The following HENMT1 variants were observed in gnomAD, a reference collection of about 807,000 sequenced individuals.
HENMT1 encodes small RNA 2'-O-methyltransferase.
In HENMT1, 27 loss-of-function variants were observed where a neutral mutation model predicts 31.1. That is an observed-to-expected ratio of 0.87 (90% CI 0.64 to 1.20). The LOEUF (loss-of-function observed/expected upper bound fraction) is 1.20, where lower values mean the gene tolerates loss of function less well. Ranked by LOEUF, HENMT1 falls within the 50% of genes most tolerant of loss-of-function variation. The pLI is 0.00. For synonymous variants in HENMT1, 167 were observed against 172.2 expected, an observed-to-expected ratio of 0.97 and a Z score of 0.24; for missense variants, 438 against 469.6, an observed-to-expected ratio of 0.93 and a Z score of 0.62.
chr1:108,653,134 C>T (rs1658110262), intron 5 of HENMT1, among the ~76,000 whole-genome samples: 1 of 151,648 alleles, frequency 6.6e-6, no homozygotes. Flanking sequence ...CTGCCTCAGC[C>T]TCCCAAGTAG....
chr1:108,658,699 T>A (rs1281015033), intron 2 of HENMT1, among the ~76,000 whole-genome samples: 1 of 152,214 alleles, frequency 6.6e-6, no homozygotes, highest in Non-Finnish European at 1.5e-5. Flanking sequence ...TCTAAGTCAG[T>A]TTAGACAGAA....
In HENMT1 at chr1:108,651,068, A is replaced by G; in HGVS notation, c.540T>C (p.Asp180=). The change falls in exon 6 of 8, where the codon GAT becomes GAC. Residue 180 remains aspartate, a synonymous_variant. Transcript: ENST00000651461. ...LFPSVTLRDS[D]HKFEWTRMEF... is the part of the protein sequence containing the mutation. ...CCATTCTGGTCCACTCAAATTTATG[A>G]TCTGAATCTCTTAAGGTCACTGATG... 1 of 1,614,030 alleles carries G rather than the reference A, an allele frequency of 6.2e-7. No individual in the cohort carries two copies.
Position 108,651,089 on chromosome 1 carries a change from T to G in HENMT1, c.519A>C (p.Ser173=), listed in dbSNP as rs769132546. 3 of 1,614,050 alleles carry G rather than the reference T, an allele frequency of 1.9e-6. No individual in the cohort carries two copies. Among genetic ancestry groups the G allele is most frequent in the African/African-American group, 1.3e-5 (1 of 75,054 alleles). The part of the protein sequence containing the change: ...PNSEFNPLFP[S]VTLRDSDHKF... ...TATGATCTGAATCTCTTAAGGTCAC[T>G]GATGGAAACAGGGGATTGAATTCAG... Residue 173 remains serine (S), a synonymous_variant, in exon 6 of 8, where the codon TCA becomes TCC. Coordinates refer to ENST00000651461, the MANE Select transcript of HENMT1 (RefSeq NM_001102592.2).
chr1:108,654,902 C>G (rs746886847), intron 4 of HENMT1, 52 bp from the exon 5 acceptor site: 2 of 1,569,992 alleles, frequency 1.3e-6, no homozygotes, highest in Non-Finnish European at 1.7e-6. Context: ...TTTAAAAATT[C>G]TCACCAGCTA....
chr1:108,650,465 C>G (rs1658018607), intron 6 of HENMT1, 77 bp from the exon 7 acceptor site: 3 of 1,281,394 alleles, frequency 2.3e-6, no homozygotes, highest in Middle Eastern at 1.9e-4. Context: ...TTCTGGTCAG[C>G]AGTAAAAGAG....
chr1:108,649,123 C>A, intron 7 of HENMT1, 132 bp from the exon 8 acceptor site: 1 of 681,154 alleles, frequency 1.5e-6, no homozygotes, highest in Non-Finnish European at 2.4e-6. Context: ...TCCTACTAAT[C>A]GTAAATGCCT....
intron 1 of HENMT1, 94 bp from the exon 2 acceptor site, chr1:108,660,056 C>A: frequency 2.2e-6 from 1 of 460,868 alleles, no homozygotes; most frequent in Non-Finnish European, 3.7e-6. Context: ...TTTCTTACTC[C>A]TTACTACAGT....
chr1:108,654,653 T>C, intron 5 of HENMT1, 63 bp downstream of exon 5: 1 of 1,522,474 alleles, frequency 6.6e-7, no homozygotes. Flanking sequence ...GACACTAAGA[T>C]CACTGAGACT....
chr1:108,654,636 T>C (rs1323718467), intron 5 of HENMT1, 80 bp downstream of exon 5: 6 of 1,379,968 alleles, frequency 4.3e-6, no homozygotes, highest in Admixed American at 3.9e-5. Flanking sequence ...AGACCTATTA[T>C]ATTTAGGACA....
In HENMT1 at chr1:108,654,779, T is replaced by G. The variant is rs1241151901; in HGVS notation, c.335A>C (p.His112Pro). Reference sequence around the variant, plus strand: ...AGAGTCTCTCTCCACAACGGAGCCATGATACAATGTGATGGTCAAATTCAG... The same window carrying G: ...AGAGTCTCTCTCCACAACGGAGCCAGGATACAATGTGATGGTCAAATTCAG... Reference protein sequence around the residue: ...RDLNLTITLYHGSVVERDSRL... With the variant: ...RDLNLTITLYPGSVVERDSRL... Residue 112 changes from histidine (H) to proline (P), a missense_variant, in exon 5 of 8, where the codon CAT becomes CCT. Transcript: ENST00000651461. The G allele has an allele frequency of 1.9e-6, 3 of 1,613,994 alleles. No homozygotes were observed. The highest frequency in any genetic ancestry group is 8.5e-7 in the Non-Finnish European group (1 of 1,179,972).
chr1:108,659,152 T>C (rs919617749), intron 2 of HENMT1, among the ~76,000 whole-genome samples: 2 of 152,256 alleles, frequency 1.3e-5, no homozygotes, highest in African/African-American at 4.8e-5. Context: ...TCAGAAATAC[T>C]TGTCTGTATT....
At chr1:108,658,558 C>T (rs935191881) in intron 2 of HENMT1, among the ~76,000 whole-genome samples, 24 of 152,178 alleles carry the variant, frequency 1.6e-4, no homozygotes, top group South Asian at 1.4e-3. Context: ...AACATTCCAA[C>T]ACACCAGCAA....
At chr1:108,652,355 C>A (rs1658082146) in intron 5 of HENMT1, among the ~76,000 whole-genome samples, 1 of 152,096 alleles carries the variant, frequency 6.6e-6, no homozygotes, top group South Asian at 2.1e-4. Flanking sequence ...GTGTATCCAA[C>A]CTACTCTGAG....
At chr1:108,658,159 T>C (rs950743896) in intron 2 of HENMT1, among the ~76,000 whole-genome samples, 2 of 149,388 alleles carry the variant, frequency 1.3e-5, no homozygotes, top group African/African-American at 5.0e-5. Flanking sequence ...CAAGACGGAG[T>C]CTTGCTCTGT....
intron 5 of HENMT1, among the ~76,000 whole-genome samples, chr1:108,654,427 G>A (rs760405737): frequency 1.3e-5 from 2 of 152,148 alleles, no homozygotes; most frequent in Non-Finnish European, 2.9e-5. Flanking sequence ...GAGGAGGGGT[G>A]AACAGGAGAG....
intron 1 of HENMT1, among the ~76,000 whole-genome samples, chr1:108,660,729 C>A (rs1478374569): frequency 2.0e-5 from 3 of 151,826 alleles, no homozygotes; most frequent in East Asian, 1.9e-4. Flanking sequence ...TCGAGACCAT[C>A]CCGGCTAAAA....
chr1:108,652,616 TCA>T (rs1278347005), intron 5 of HENMT1, among the ~76,000 whole-genome samples: 3 of 152,098 alleles, frequency 2.0e-5, no homozygotes, highest in African/African-American at 7.2e-5. Context: ...CAAAAATGCT[TCA>T]CAGAGGGCTG....
Position 108,651,099 on chromosome 1 carries a change from A to G in HENMT1, c.509T>C (p.Leu170Pro), listed in dbSNP as rs767857827. The G allele has an allele frequency of 6.8e-6, 11 of 1,613,864 alleles. No individual in the cohort carries two copies. In the South Asian group the frequency reaches 1.1e-4, roughly 16 times the overall value. Residue 170 changes from leucine (L) to proline (P), a missense_variant, in exon 6 of 8, where the codon CTG becomes CCG. Leu to Pro is a moderately conservative substitution (Grantham distance 98, BLOSUM62 -3). Coordinates refer to ENST00000651461, the MANE Select transcript of HENMT1 (RefSeq NM_001102592.2). ...ATCTCTTAAGGTCACTGATGGAAAC[A>G]GGGGATTGAATTCAGAGTTTGGTGT... ...ISTPNSEFNP[L>P]FPSVTLRDSD... is the part of the protein sequence containing the mutation.
intron 5 of HENMT1, among the ~76,000 whole-genome samples, chr1:108,653,207 G>C (rs1276169746): frequency 6.6e-6 from 1 of 151,706 alleles, no homozygotes; most frequent in East Asian, 2.0e-4. Flanking sequence ...CTAGAGACGG[G>C]GTTTCACCAT....
Sources: gnomAD v4.1 joint callset for allele counts (sites outside exome capture counted in the v4.1 genomes callset) on GRCh38, gnomAD v4.1.1 for gene constraint, MANE v1.5 for transcripts, NCBI Gene and HGNC (gene_info 2026-07-23, HGNC 2026-07-21) for gene names.